Variants in ALDH5A1 observed in about 807,000 individuals in gnomAD.
ALDH5A1 encodes the protein aldehyde dehydrogenase 5 family member A1, also known as succinate-semialdehyde dehydrogenase, mitochondrial.
Under a neutral mutation model 54.7 loss-of-function variants are expected in ALDH5A1, and 33 were observed. The ratio of observed to expected loss-of-function variants is 0.60; its 90% CI spans 0.46 to 0.81. The LOEUF (loss-of-function observed/expected upper bound fraction) is 0.81. Ranked by LOEUF, ALDH5A1 falls within the 30% of genes least tolerant of loss-of-function variation. ALDH5A1 has a pLI of 0.00. For synonymous variants in ALDH5A1, 294 were observed against 292.7 expected (o/e 1.00, Z -0.05); for missense variants, 657 against 711.0 (o/e 0.92, Z 0.86).
At chr6:24,512,677 G>GTTTGTTTTGT (rs145227937) in intron 4 of ALDH5A1, among the ~76,000 whole-genome samples, 1 of 151,846 alleles carries the variant, frequency 6.6e-6, no homozygotes, top group African/African-American at 2.4e-5. Flanking sequence ...TTTTAATGTT[G>GTTTGTTTTGT]TTTGTTTTGT....
chr6:24,515,550 C>A (rs534514848), intron 5 of ALDH5A1, among the ~76,000 whole-genome samples: 111 of 152,014 alleles, frequency 7.3e-4, no homozygotes, highest in Non-Finnish European at 1.4e-3. Flanking sequence ...CATGATGAAA[C>A]CCCCTCACAG....
chr6:24,496,765 T>C (rs139473319), intron 1 of ALDH5A1, among the ~76,000 whole-genome samples: 114 of 152,320 alleles, frequency 7.5e-4, no homozygotes, highest in African/African-American at 2.3e-3. Flanking sequence ...TCCTAATCTC[T>C]TCTTCTTTTA....
chr6:24,519,833 G>T (rs1432317844), intron 5 of ALDH5A1, among the ~76,000 whole-genome samples: 2 of 151,522 alleles, frequency 1.3e-5, no homozygotes, highest in African/African-American at 4.9e-5. Context: ...AATGTTATCA[G>T]TGTAAGCTGT....
intron 7 of ALDH5A1, among the ~76,000 whole-genome samples, chr6:24,526,702 G>T (rs1759803053): frequency 6.6e-6 from 1 of 150,914 alleles, no homozygotes; most frequent in South Asian, 2.1e-4. Flanking sequence ...GAAATAATTG[G>T]GAAAATGGAG....
Position 24,532,190 on chromosome 6 carries a change from C to T in ALDH5A1, c.1402+13C>T, listed in dbSNP as rs1467285144. On this transcript the variant is annotated intron_variant, in intron 9 of 9. Coordinates refer to ENST00000357578, the MANE Select transcript of ALDH5A1 (RefSeq NM_001080.3). Reference sequence around the variant, plus strand: ...GTTGGGTTAGCAGGTAGGTGTTTGTCCTTGTTCAATACCAGTCATAATCAT... The same window carrying T: ...GTTGGGTTAGCAGGTAGGTGTTTGTTCTTGTTCAATACCAGTCATAATCAT... The T allele has an allele frequency of 1.2e-6, 2 of 1,613,166 alleles. No homozygotes were observed. Among genetic ancestry groups the T allele is most frequent in the Admixed American group, 1.7e-5 (1 of 60,020 alleles).
At position 24,515,221 on chromosome 6, in the gene ALDH5A1, C is replaced by G. The variant is rs774496720; in HGVS notation, c.781C>G (p.Arg261Gly). 19 of 1,609,754 alleles carry G rather than the reference C, an allele frequency of 1.2e-5. No homozygotes were observed. The East Asian group carries it at 1.6e-4, about 13-fold the overall frequency. Residue 261 changes from arginine to glycine, a missense_variant, in exon 5 of 10, where the codon CGA becomes GGA. Transcript: ENST00000357578. ...SGVYNVIPCS[R>G]KNAKEVGEAI... is the part of the protein sequence containing the mutation. ...TGTATACAATGTTATTCCCTGTTCT[C>G]GAAAGAATGCCAAGGAAGTAGGGGA...
intron 2 of ALDH5A1, among the ~76,000 whole-genome samples, chr6:24,502,881 T>C (rs1759230884): frequency 6.6e-6 from 1 of 152,146 alleles, no homozygotes; most frequent in African/African-American, 2.4e-5. Flanking sequence ...CTGATTTTTT[T>C]CCATGTTACT....
chr6:24,522,503 G>GTA, intron 6 of ALDH5A1: 6 of 392,632 alleles, frequency 1.5e-5, no homozygotes, highest in South Asian at 2.2e-5. Flanking sequence ...GTGTGTGTGT[G>GTA]TACAGGTGCT....
At chr6:24,515,102 C>CTTTTTTTTTTTTTTTTTTTTATTTTT in intron 4 of ALDH5A1, 65 bp from the exon 5 acceptor site, 1 of 927,262 alleles carries the variant, frequency 1.1e-6, no homozygotes, top group Non-Finnish European at 1.5e-6. Flanking sequence ...TTTCTCTTTT[C>CTTTTTTTTTTTTTTTTTTTTATTTTT]TTTTTTTTTT....
At chr6:24,500,310 G>A (rs940642112) in intron 1 of ALDH5A1, among the ~76,000 whole-genome samples, 1 of 152,106 alleles carries the variant, frequency 6.6e-6, no homozygotes, top group Admixed American at 6.5e-5. Flanking sequence ...TATGCCTCAT[G>A]CATGCCCCAG....
chr6:24,516,485 A>T (rs1176121832), intron 5 of ALDH5A1, among the ~76,000 whole-genome samples: 17 of 151,138 alleles, frequency 1.1e-4, no homozygotes, highest in Non-Finnish European at 2.2e-4. Context: ...AATAAATAAT[A>T]AAAAAATGTC....
intron 8 of ALDH5A1, 100 bp from the exon 9 acceptor site, chr6:24,532,019 T>C: frequency 9.0e-7 from 1 of 1,111,380 alleles, no homozygotes. Context: ...AACTCTGATT[T>C]ACTCCTTGTG....
In ALDH5A1 at chr6:24,528,033, G is replaced by A. The variant is rs1759854287; in HGVS notation, c.1210G>A (p.Ala404Thr). The change falls in exon 8 of 10, where the codon GCC becomes ACC. Residue 404 changes from alanine (A) to threonine (T), a missense_variant. Coordinates refer to ENST00000357578, the MANE Select transcript of ALDH5A1 (RefSeq NM_001080.3). ...KQVNDAVSKG[A>T]TVVTGGKRHQ... is the part of the protein sequence containing the mutation. ...GGTGAATGATGCCGTTTCTAAAGGTGCCACCGTTGTGACAGGTGGAAAACG... is the reference window on the plus strand; with the variant it reads ...GGTGAATGATGCCGTTTCTAAAGGTACCACCGTTGTGACAGGTGGAAAACG... The A allele has an allele frequency of 6.2e-7, 1 of 1,613,978 alleles. No individual in the cohort carries two copies. Among genetic ancestry groups the A allele is most frequent in the South Asian group, 1.1e-5 (1 of 91,080 alleles).
intron 1 of ALDH5A1, among the ~76,000 whole-genome samples, chr6:24,497,207 GC>G (rs897096163): frequency 5.9e-5 from 9 of 152,260 alleles, no homozygotes; most frequent in African/African-American, 2.2e-4. Flanking sequence ...GGGCGTGGTG[GC>G]CAGCTTTTTA....
intron 4 of ALDH5A1, among the ~76,000 whole-genome samples, chr6:24,514,775 G>A (rs1267457715): frequency 6.6e-6 from 1 of 151,666 alleles, no homozygotes; most frequent in East Asian, 1.9e-4. Context: ...AATTTTGTTT[G>A]TTTGTTTGTT....
intron 1 of ALDH5A1, among the ~76,000 whole-genome samples, chr6:24,496,364 G>C (rs1764704851): frequency 6.6e-6 from 1 of 152,174 alleles, no homozygotes; most frequent in Admixed American, 6.5e-5. Flanking sequence ...GTGCAATATG[G>C]AAAAAAGGTA....
intron 5 of ALDH5A1, among the ~76,000 whole-genome samples, chr6:24,519,431 G>A (rs1381373177): frequency 5.9e-5 from 9 of 152,022 alleles, no homozygotes; most frequent in Non-Finnish European, 1.0e-4. Flanking sequence ...CAGGTGTGGT[G>A]GCACATGTCT....
chr6:24,505,382 CAGAGT>C (rs1417891054), intron 4 of ALDH5A1, among the ~76,000 whole-genome samples: 2 of 151,568 alleles, frequency 1.3e-5, no homozygotes, highest in Non-Finnish European at 2.9e-5. Flanking sequence ...GTCACTCACT[CAGAGT>C]AAAGTCCAGA....
chr6:24,532,862 ATG>A (rs1308432287), intron 9 of ALDH5A1, among the ~76,000 whole-genome samples: 1 of 152,096 alleles, frequency 6.6e-6, no homozygotes, highest in Non-Finnish European at 1.5e-5. Flanking sequence ...CTGGAGTAAG[ATG>A]TGTGCACAAG....
Sources: gnomAD v4.1 joint callset for allele counts (sites outside exome capture counted in the v4.1 genomes callset) on GRCh38, gnomAD v4.1.1 for gene constraint, MANE v1.5 for transcripts, NCBI Gene and HGNC (gene_info 2026-07-23, HGNC 2026-07-21) for gene names.